The following C3orf20 variants were observed in gnomAD, a reference collection of about 807,000 sequenced individuals.
C3orf20 encodes the protein family with sequence similarity 149 member C.
In C3orf20, 76 loss-of-function variants were observed where a neutral mutation model predicts 88.3. The ratio of observed to expected loss-of-function variants is 0.86; its 90% CI spans 0.72 to 1.04. The LOEUF (loss-of-function observed/expected upper bound fraction) is 1.04. C3orf20 is among the 50% of genes least tolerant of loss of function. The pLI is 0.00. For synonymous variants in C3orf20, 436 were observed against 437.4 expected, an observed-to-expected ratio of 1.00 and a Z score of 0.04; for missense variants, 1,056 against 1,123.3, an observed-to-expected ratio of 0.94 and a Z score of 0.86.
intron 12 of C3orf20, among the ~76,000 whole-genome samples, chr3:14,737,828 C>T (rs2034767347): frequency 6.6e-6 from 1 of 152,250 alleles, no homozygotes; most frequent in East Asian, 1.9e-4. Flanking sequence ...GTTTTATCAA[C>T]TAAGTTTATG....
At chr3:14,758,511 C>G (rs2035457247) in intron 13 of C3orf20, among the ~76,000 whole-genome samples, 1 of 152,210 alleles carries the variant, frequency 6.6e-6, no homozygotes, top group Non-Finnish European at 1.5e-5. Flanking sequence ...CTGGCCCCAA[C>G]CCCAGACCAA....
intron 1 of C3orf20, among the ~76,000 whole-genome samples, chr3:14,679,200 T>C (rs986883645): frequency 6.6e-6 from 1 of 152,246 alleles, no homozygotes; most frequent in Non-Finnish European, 1.5e-5. Context: ...TGTATGTTTT[T>C]CTGTAGTGTG....
At chr3:14,708,816 G>C (rs2033625512) in intron 7 of C3orf20, among the ~76,000 whole-genome samples, 1 of 152,044 alleles carries the variant, frequency 6.6e-6, no homozygotes, top group Admixed American at 6.6e-5. Flanking sequence ...GCTAATTTTT[G>C]TGTTTTTAGT....
At chr3:14,724,519 A>G (rs1447226065) in intron 10 of C3orf20, among the ~76,000 whole-genome samples, 2 of 152,154 alleles carry the variant, frequency 1.3e-5, no homozygotes, top group Non-Finnish European at 2.9e-5. Flanking sequence ...GCTGTCCAAT[A>G]TTGTAGCCAT....
intron 12 of C3orf20, among the ~76,000 whole-genome samples, chr3:14,743,677 G>A (rs184661849): frequency 5.3e-5 from 8 of 152,134 alleles, no homozygotes; most frequent in Middle Eastern, 3.4e-3. Flanking sequence ...GCATCCAGGC[G>A]TTTCCATACA....
rs1419129449 is a variant in C3orf20, at chr3:14,768,404, C to T, written c.2496-3663C>T. 1.3e-5 allele frequency among the ~76,000 whole-genome samples: 2 copies of T among 152,012 alleles called. No homozygotes were observed. The highest frequency in any genetic ancestry group is 4.8e-5 in the African/African-American group (2 of 41,344). On this transcript the variant is annotated intron_variant, in intron 15 of 16. Coordinates refer to ENST00000253697, the MANE Select transcript of C3orf20 (RefSeq NM_032137.5). The surrounding 1 kb of genome is among the most constrained non-coding windows in gnomAD (Gnocchi z 4.1). Reference sequence around the variant, plus strand: ...CTGCTCATGCCAGCAACCCCACACCCCACTCAGCCCAAGGAAGCCCCTTGG... The same window carrying T: ...CTGCTCATGCCAGCAACCCCACACCTCACTCAGCCCAAGGAAGCCCCTTGG...
In C3orf20 at chr3:14,684,260, A is replaced by G; in HGVS notation, c.503A>G (p.Asp168Gly). The stretch of plus-strand genomic sequence containing the variant: ...GCTTTAGTGGGTGCCAACCCCTTGG[A>G]CATCACCAGGCGCTTTGTGGAGGCC... The part of the protein sequence containing the change: ...ESMSVGANPL[D>G]ITRRFVEASQ... The change falls in exon 4 of 17, where the codon GAC becomes GGC. Residue 168 changes from aspartate (D) to glycine (G), a missense_variant. Physicochemically the swap from Asp to Gly is moderately conservative, Grantham distance 94. Transcript: ENST00000253697. 2 of 1,614,086 alleles carry G rather than the reference A, an allele frequency of 1.2e-6. No individual in the cohort carries two copies. Among genetic ancestry groups the G allele is most frequent in the Non-Finnish European group, 1.7e-6 (2 of 1,179,998 alleles).
At chr3:14,706,001 GA>G (rs1366750181) in intron 7 of C3orf20, among the ~76,000 whole-genome samples, 1 of 152,086 alleles carries the variant, frequency 6.6e-6, no homozygotes, top group Admixed American at 6.5e-5. Flanking sequence ...GATGGAAGTG[GA>G]TCTCATTTTA....
intron 4 of C3orf20, among the ~76,000 whole-genome samples, chr3:14,685,799 C>A (rs1361071636): frequency 6.8e-6 from 1 of 146,670 alleles, no homozygotes; most frequent in Non-Finnish European, 1.5e-5. Flanking sequence ...GCTTTTTTTT[C>A]ATTCAGCATA....
At chr3:14,709,715 A>C (rs2033665448) in intron 7 of C3orf20, among the ~76,000 whole-genome samples, 1 of 152,204 alleles carries the variant, frequency 6.6e-6, no homozygotes, top group African/African-American at 2.4e-5. Flanking sequence ...TCCTGGGATA[A>C]ACCACACCTG....
chr3:14,732,000 G>C (rs1035494091), intron 12 of C3orf20, among the ~76,000 whole-genome samples: 6 of 152,174 alleles, frequency 3.9e-5, no homozygotes, highest in African/African-American at 1.4e-4. Flanking sequence ...CATTTCACTT[G>C]GGTAAATACT....
chr3:14,703,222 C>A lies in C3orf20; in HGVS notation c.838C>A (p.Pro280Thr), dbSNP rs1163964657. The change falls in exon 6 of 17, where the codon CCT (proline) becomes ACT (threonine). Residue 280 changes from proline to threonine, a missense_variant. Transcript: ENST00000253697. ...CAGCCTGGAGTTCAGCGACCCCTGC[C>A]CTGAGGCCCGGGAGAAGCTGCAGGA... ...ANSLEFSDPC[P>T]EAREKLQELC... The A allele has an allele frequency of 1.2e-6, 2 of 1,614,176 alleles. No homozygotes were observed. Among genetic ancestry groups the A allele is most frequent in the Non-Finnish European group, 1.7e-6 (2 of 1,180,034 alleles).
chr3:14,695,615 T>C (rs1195690915), intron 5 of C3orf20, among the ~76,000 whole-genome samples: 1 of 152,198 alleles, frequency 6.6e-6, no homozygotes, highest in South Asian at 2.1e-4. Flanking sequence ...TATTATTTTA[T>C]TGGTGTCTTT....
At chr3:14,722,398 G>A (rs2034195142) in intron 10 of C3orf20, 1 of 445,050 alleles carries the variant, frequency 2.2e-6, no homozygotes, top group Non-Finnish European at 4.5e-6. Flanking sequence ...CCATCCTGGG[G>A]GCCAATGTGT....
intron 15 of C3orf20, 104 bp downstream of exon 15, chr3:14,761,719 T>C (rs1575162459): frequency 9.5e-7 from 1 of 1,051,292 alleles, no homozygotes; most frequent in East Asian, 3.1e-5. Context: ...CAGGCGGGGC[T>C]GAAGGGATGG....
At position 14,764,507 on chromosome 3, in the gene C3orf20, A is replaced by ATTATTG. The variant is rs1286567408; in HGVS notation, c.2495+2894_2495+2895insATTGTT. Among the ~76,000 whole-genome samples the ATTATTG allele has an allele frequency of 6.2e-3, 828 of 132,790 alleles. 10 individuals are homozygous for ATTATTG. The highest frequency in any genetic ancestry group is 0.017 in the African/African-American group (568 of 32,752). The allele number at this position is 132,790 out of a possible 152,430, so 87.1% of individuals were successfully genotyped here. On this transcript the variant is annotated intron_variant, in intron 15 of 16. Coordinates refer to ENST00000253697, the MANE Select transcript of C3orf20 (RefSeq NM_032137.5). ...TATTATTATTATTATTATTATTATT[A>ATTATTG]TTGTTGTTGTTGTTGTTGTTGTTGT... is the stretch of plus-strand genomic sequence containing the variant.
chr3:14,759,051 G>A (rs561892658), intron 13 of C3orf20, among the ~76,000 whole-genome samples: 75 of 152,334 alleles, frequency 4.9e-4, no homozygotes, highest in African/African-American at 1.7e-3. Flanking sequence ...AGGTGGCCAA[G>A]CCCAGCCATG....
chr3:14,717,765 T>C (rs1055347698), intron 9 of C3orf20, among the ~76,000 whole-genome samples: 12 of 152,204 alleles, frequency 7.9e-5, no homozygotes, highest in African/African-American at 2.9e-4. Context: ...CTTCTGGCAA[T>C]GTATTCTTCT....
At chr3:14,691,849 C>A (rs1469253612) in intron 5 of C3orf20, among the ~76,000 whole-genome samples, 1 of 152,110 alleles carries the variant, frequency 6.6e-6, no homozygotes, top group Non-Finnish European at 1.5e-5. Context: ...AATACTAGGT[C>A]TTATTCATTC....
Sources: gnomAD v4.1 joint callset for allele counts (sites outside exome capture counted in the v4.1 genomes callset) on GRCh38, gnomAD v4.1.1 for gene constraint, Gnocchi (gnomAD v3.1) non-coding constraint, MANE v1.5 for transcripts, NCBI Gene and HGNC (gene_info 2026-07-23, HGNC 2026-07-21) for gene names.